Variants in TTC7A observed in about 807,000 individuals in gnomAD.
TTC7A encodes the protein tetratricopeptide repeat domain 7A.
Under a neutral mutation model 103.7 loss-of-function variants are expected in TTC7A, and 110 were observed. The ratio of observed to expected loss-of-function variants is 1.06; its 90% CI spans 0.91 to 1.24. TTC7A has a LOEUF of 1.24. TTC7A is among the 50% of genes most tolerant of loss of function. The probability of loss-of-function intolerance (pLI) is 0.00; values close to 1 mark genes in which losing one functional copy is unlikely to be tolerated. For synonymous variants in TTC7A, 521 were observed against 467.9 expected (o/e 1.11, Z -1.47); for missense variants, 1,340 against 1,116.3 (o/e 1.20, Z -2.86).
chr2:47,014,535 C>T (rs902344154), intron 11 of TTC7A, among the ~76,000 whole-genome samples: 1 of 152,190 alleles, frequency 6.6e-6, no homozygotes, highest in Non-Finnish European at 1.5e-5. Context: ...CCTAGTTCTA[C>T]AGGGAGGCCC....
At position 46,951,498 on chromosome 2, in the gene TTC7A, C is replaced by A. The variant is rs948293230; in HGVS notation, c.348+972C>A. On this transcript the variant is annotated intron_variant, in intron 2 of 19. Transcript: ENST00000319190. The stretch of plus-strand genomic sequence containing the variant: ...AGGAGGGGGAGGGGGTAAAAAAAAA[C>A]TCAAAGAGGAAGTGATCCCTCCCTC... 4.0e-5 allele frequency: 18 copies of A among 446,188 alleles called. No homozygotes were observed. In the East Asian group the frequency reaches 1.3e-3, roughly 31 times the overall value. The allele number at this position is 446,188 out of a possible 1,614,324, so 27.6% of individuals were successfully genotyped here.
chr2:46,941,620 G>T lies in TTC7A; in HGVS notation c.79G>T (p.Asp27Tyr). The stretch of plus-strand genomic sequence containing the variant: ...GCGCTGCCGCGCCGAGGGCCACTGG[G>T]ACCGCATGCCGGAGCTGGTCCGGCA... ...LERCRAEGHW[D>Y]RMPELVRQLQ... The change falls in exon 1 of 20, where the codon GAC becomes TAC. Residue 27 changes from aspartate (D) to tyrosine (Y), a missense_variant. Coordinates refer to ENST00000319190, the MANE Select transcript of TTC7A (RefSeq NM_020458.4). The surrounding 1 kb of genome is among the most constrained non-coding windows in gnomAD (Gnocchi z 4.2). 6.4e-7 allele frequency: 1 copy of T among 1,556,072 alleles called. No individual in the cohort carries two copies. The highest frequency in any genetic ancestry group is 2.4e-5 in the East Asian group (1 of 41,478).
chr2:46,936,859 A>ATTTT (rs67502094), upstream of TTC7A, among the ~76,000 whole-genome samples: 1 of 142,858 alleles, frequency 7.0e-6, no homozygotes, highest in Non-Finnish European at 1.5e-5. Context: ...AGGATTCCAA[A>ATTTT]TTTTTTTTTT....
intron 8 of TTC7A, among the ~76,000 whole-genome samples, chr2:46,998,243 T>G (rs777182514): frequency 6.6e-6 from 1 of 152,170 alleles, no homozygotes; most frequent in Admixed American, 6.5e-5. Context: ...CTTGAGGGAT[T>G]TGGGGGAGAG....
chr2:46,929,447 A>G (rs542674361), intron 2 of TTC7A, among the ~76,000 whole-genome samples: 1 of 152,214 alleles, frequency 6.6e-6, no homozygotes, highest in South Asian at 2.1e-4. Flanking sequence ...TAGCGCAACT[A>G]CACTCCAGCC....
In TTC7A at chr2:46,929,440, C is replaced by T. The variant is rs116282667; in HGVS notation, c.82+12163C>T. On this transcript the variant is annotated intron_variant, in intron 2 of 20. Coordinates refer to the TTC7A transcript ENST00000409245. The stretch of plus-strand genomic sequence containing the variant: ...TTGGGGCTGCAGTGAGCTATGATAG[C>T]GCAACTACACTCCAGCCTGGGCAAC... Among the ~76,000 whole-genome samples, 689 of 152,112 alleles carry T rather than the reference C, an allele frequency of 4.5e-3. 4 individuals are homozygous for T. The highest frequency in any genetic ancestry group is 0.016 in the African/African-American group (662 of 41,498).
chr2:47,027,783 C>T (rs73929358), intron 14 of TTC7A, among the ~76,000 whole-genome samples: 13,261 of 152,190 alleles, frequency 0.087, 1,023 homozygotes, highest in African/African-American at 0.21. Context: ...TTGTAGAGAA[C>T]GAGGAGATGA....
Position 46,994,207 on chromosome 2 carries a change from G to C in TTC7A, c.844-150G>C, listed in dbSNP as rs867993856. On this transcript the variant is annotated intron_variant, in intron 6 of 19. Coordinates refer to ENST00000319190, the MANE Select transcript of TTC7A (RefSeq NM_020458.4). ...TTGGAGGGACTGAAGGAGCAAGGGG[G>C]CTCCTTGGGAGTGGGGTTGGGGAGT... The C allele has an allele frequency of 1.2e-5, 10 of 865,424 alleles. No individual in the cohort carries two copies. The East Asian group carries it at 2.6e-4, about 22-fold the overall frequency. 53.6% of individuals were successfully genotyped at this position (865,424 alleles called of 1,614,324 possible).
Position 46,934,904 on chromosome 2 carries a change from G to A in TTC7A, c.83-15459G>A, listed in dbSNP as rs747594592. 3.5e-5 allele frequency among the ~76,000 whole-genome samples: 5 copies of A among 141,026 alleles called. No individual in the cohort carries two copies. In the South Asian group the frequency reaches 6.8e-4, roughly 19 times the overall value. 92.5% of individuals were successfully genotyped at this position (141,026 alleles called of 152,430 possible). The stretch of plus-strand genomic sequence containing the variant: ...CAACCTCCGCCTCCCGGGTTCAAGC[G>A]ATTCTCTTGCCTCAGCCTCCTGAGT... On this transcript the variant is annotated intron_variant, in intron 2 of 20. Transcript: ENST00000409245.
At chr2:46,996,965 G>GGTT (rs375926625) in intron 8 of TTC7A, among the ~76,000 whole-genome samples, 2,609 of 106,916 alleles carry the variant, frequency 0.024, 69 homozygotes, top group African/African-American at 0.07. Context: ...TTTTTGTGGT[G>GGTT]GTTGTTGTTG....
chr2:46,970,619 C>T, intron 3 of TTC7A, among the ~76,000 whole-genome samples: 1 of 152,238 alleles, frequency 6.6e-6, no homozygotes, highest in Non-Finnish European at 1.5e-5. Context: ...TGTGCCCTGC[C>T]ACCTGCAGTT....
chr2:46,994,695 A>G (rs1675982852), intron 7 of TTC7A, among the ~76,000 whole-genome samples, 181 bp downstream of exon 7: 1 of 152,180 alleles, frequency 6.6e-6, no homozygotes, highest in Admixed American at 6.5e-5. Context: ...GTTGGGGTCC[A>G]GGTTGTGGAG....
At chr2:47,056,625 A>G (rs2104758171) in intron 18 of TTC7A, among the ~76,000 whole-genome samples, 1 of 152,348 alleles carries the variant, frequency 6.6e-6, no homozygotes, top group Admixed American at 6.5e-5. Flanking sequence ...TTAGACCAGG[A>G]TGCCTCAAAA....
chr2:47,032,859 CAAA>C (rs10586448), intron 15 of TTC7A, among the ~76,000 whole-genome samples: 13,169 of 87,712 alleles, frequency 0.15, 454 homozygotes, highest in Admixed American at 0.19. Context: ...TTGTTTTAAG[CAAA>C]AAAAAAAAAA....
At chr2:46,999,165 C>T (rs1385097462) in intron 8 of TTC7A, among the ~76,000 whole-genome samples, 1 of 152,050 alleles carries the variant, frequency 6.6e-6, no homozygotes, top group Non-Finnish European at 1.5e-5. Flanking sequence ...TCCATCCATC[C>T]ACCCATTAAT....
chr2:46,945,572 G>T (rs534416645), intron 1 of TTC7A, among the ~76,000 whole-genome samples: 1 of 152,002 alleles, frequency 6.6e-6, no homozygotes, highest in African/African-American at 2.4e-5. Flanking sequence ...TTTATTTTTT[G>T]TAGAGATAGG....
At chr2:46,927,261 C>T (rs1472038688) in intron 2 of TTC7A, among the ~76,000 whole-genome samples, 1 of 146,110 alleles carries the variant, frequency 6.8e-6, no homozygotes, top group Non-Finnish European at 1.5e-5. Context: ...AAATCCCAAG[C>T]AAAGTTAATG....
intron 2 of TTC7A, among the ~76,000 whole-genome samples, chr2:46,918,002 G>T (rs1668904175): frequency 6.6e-6 from 1 of 152,104 alleles, no homozygotes; most frequent in Non-Finnish European, 1.5e-5. Context: ...AGTTTACCTA[G>T]TCCTGTGCTT....
intron 2 of TTC7A, among the ~76,000 whole-genome samples, chr2:46,931,529 C>T (rs1558480205): frequency 6.6e-6 from 1 of 151,976 alleles, no homozygotes; most frequent in South Asian, 2.1e-4. Context: ...GGGTCAGAGT[C>T]AGAGTAGAGG....
Sources: gnomAD v4.1 joint callset for allele counts (sites outside exome capture counted in the v4.1 genomes callset) on GRCh38, gnomAD v4.1.1 for gene constraint, Gnocchi (gnomAD v3.1) non-coding constraint, MANE v1.5 for transcripts, NCBI Gene and HGNC (gene_info 2026-07-23, HGNC 2026-07-21) for gene names.